The following COG7 variants were observed in gnomAD, a reference collection of about 807,000 sequenced individuals.
The protein encoded by COG7 is component of oligomeric golgi complex 7.
COG7 carries 49 observed loss-of-function variants against 91.5 expected under a neutral mutation model. That is an observed-to-expected ratio of 0.54 (90% CI 0.43 to 0.68). The LOEUF is 0.68. Among genes scored for constraint, COG7 ranks in the 30% least tolerant of loss-of-function variants. The pLI is 0.00. For missense variants in COG7, 895 were observed against 961.3 expected (o/e 0.93, Z 0.91); for synonymous variants, 365 against 388.7 (o/e 0.94, Z 0.72).
At chr16:23,423,302 G>C (rs1345136899) in intron 7 of COG7, among the ~76,000 whole-genome samples, 2 of 152,144 alleles carry the variant, frequency 1.3e-5, no homozygotes, top group Non-Finnish European at 2.9e-5. Context: ...AGGAGGTGGA[G>C]GTTACAGTGA....
At position 23,417,038 on chromosome 16, in the gene COG7, G is replaced by C; in HGVS notation, c.1221C>G (p.Asp407Glu). 2 of 1,614,242 alleles carry C rather than the reference G, an allele frequency of 1.2e-6. No homozygotes were observed. Among genetic ancestry groups the C allele is most frequent in the Non-Finnish European group, 8.5e-7 (1 of 1,180,034 alleles). Residue 407 changes from aspartate (D) to glutamate (E), a missense_variant, in exon 9 of 17, where the codon GAC becomes GAG. Asp to Glu is a conservative substitution (Grantham distance 45). Coordinates refer to ENST00000307149, the MANE Select transcript of COG7 (RefSeq NM_153603.4). The part of the protein sequence containing the change: ...KLFGLASAAV[D>E]RCVRFTNGLG... Reference sequence around the variant, plus strand: ...GGCCATTGGTGAATCTGACGCATCTGTCAACGGCTGCAGACGCCAGACCAA... The same window carrying C: ...GGCCATTGGTGAATCTGACGCATCTCTCAACGGCTGCAGACGCCAGACCAA...
intron 6 of COG7, among the ~76,000 whole-genome samples, chr16:23,432,510 TA>T (rs1963950560): frequency 6.6e-6 from 1 of 151,340 alleles, no homozygotes; most frequent in Non-Finnish European, 1.5e-5. Context: ...AGAAAAAAAA[TA>T]AATAAATAAG....
intron 13 of COG7, among the ~76,000 whole-genome samples, chr16:23,400,629 T>C (rs888496861): frequency 5.3e-5 from 8 of 151,754 alleles, no homozygotes; most frequent in African/African-American, 1.9e-4. Flanking sequence ...GGAAAGAAGT[T>C]TGGAAGAAGC....
At chr16:23,409,344 C>T (rs1047413010) in intron 11 of COG7, among the ~76,000 whole-genome samples, 4 of 152,086 alleles carry the variant, frequency 2.6e-5, no homozygotes, top group Admixed American at 6.6e-5. Context: ...TAAAGCAAGG[C>T]CGAGTTGAAA....
chr16:23,396,536 A>G lies in COG7; in HGVS notation c.1887+1510T>C, dbSNP rs145213795. On this transcript the variant is annotated intron_variant, in intron 14 of 16. Transcript: ENST00000307149. ...TCTACTAAAAATAGAAAAATTAGCC[A>G]GGTGTGGTGGTGGGCGCCTGTAATC... Among the ~76,000 whole-genome samples, 364 of 151,740 alleles carry G rather than the reference A, an allele frequency of 2.4e-3. 1 individual carries two copies. The highest frequency in any genetic ancestry group is 8.5e-3 in the African/African-American group (353 of 41,392).
intron 6 of COG7, among the ~76,000 whole-genome samples, chr16:23,431,661 T>C (rs1963936294): frequency 6.6e-6 from 1 of 151,498 alleles, no homozygotes; most frequent in South Asian, 2.1e-4. Context: ...ACACAAAAAT[T>C]AGCTGGGAGT....
At chr16:23,450,182 G>A (rs1357398124) in intron 1 of COG7, among the ~76,000 whole-genome samples, 2 of 152,014 alleles carry the variant, frequency 1.3e-5, no homozygotes, top group East Asian at 3.9e-4. Flanking sequence ...TGATTCTCTC[G>A]CCTCAGCCTT....
intron 13 of COG7, among the ~76,000 whole-genome samples, chr16:23,402,977 T>C (rs141606211): frequency 6.6e-6 from 1 of 152,350 alleles, no homozygotes; most frequent in African/African-American, 2.4e-5. Flanking sequence ...AAAGATCTCT[T>C]GGTTATTAAA....
At chr16:23,399,772 T>C (rs1963345071) in intron 13 of COG7, among the ~76,000 whole-genome samples, 1 of 151,970 alleles carries the variant, frequency 6.6e-6, no homozygotes, top group Non-Finnish European at 1.5e-5. Context: ...AGCCTTTACC[T>C]TGAACAAGTA....
At chr16:23,407,159 C>T (rs1165378582) in intron 11 of COG7, among the ~76,000 whole-genome samples, 4 of 152,184 alleles carry the variant, frequency 2.6e-5, no homozygotes, top group Admixed American at 2.6e-4. Flanking sequence ...TCAAGAAATG[C>T]CTGTACTTGC....
chr16:23,419,111 G>A (rs1288909611), intron 7 of COG7, among the ~76,000 whole-genome samples: 1 of 152,186 alleles, frequency 6.6e-6, no homozygotes, highest in African/African-American at 2.4e-5. Context: ...CCCTTCAAAA[G>A]ATAACCCTCA....
chr16:23,427,053 A>G (rs1490770194), intron 6 of COG7, among the ~76,000 whole-genome samples: 3 of 152,104 alleles, frequency 2.0e-5, no homozygotes, highest in African/African-American at 7.2e-5. Flanking sequence ...GTTTGAGACC[A>G]GCCTGGGCAA....
chr16:23,410,655 G>T (rs1347444692), intron 10 of COG7, among the ~76,000 whole-genome samples: 1 of 151,922 alleles, frequency 6.6e-6, no homozygotes, highest in Non-Finnish European at 1.5e-5. Context: ...ACTCAGCTTT[G>T]TCCTTGAGAA....
At chr16:23,437,605 T>C (rs1286686737) in intron 4 of COG7, among the ~76,000 whole-genome samples, 2 of 152,150 alleles carry the variant, frequency 1.3e-5, no homozygotes, top group Non-Finnish European at 2.9e-5. Context: ...GCGGAGAATA[T>C]AAACTTTCAA....
chr16:23,411,909 C>A (rs1963569405), intron 10 of COG7, among the ~76,000 whole-genome samples: 1 of 144,668 alleles, frequency 6.9e-6, no homozygotes, highest in Non-Finnish European at 1.5e-5. Context: ...GAGATGAGGT[C>A]TTGCTCTGTC....
chr16:23,413,250 G>C, intron 10 of COG7, 198 bp downstream of exon 10: 1 of 560,078 alleles, frequency 1.8e-6, no homozygotes, highest in South Asian at 2.0e-5. Flanking sequence ...TTAAGAGCTG[G>C]AGGGGTCTTT....
chr16:23,434,543 T>C (rs1021335094), intron 5 of COG7, 93 bp downstream of exon 5: 2 of 971,640 alleles, frequency 2.1e-6, no homozygotes, highest in Non-Finnish European at 1.6e-6. Context: ...GAGACAAATG[T>C]TCTTACCTTC....
At chr16:23,417,304 T>C (rs554806761) in intron 8 of COG7, 183 bp from the exon 9 acceptor site, 5 of 652,724 alleles carry the variant, frequency 7.7e-6, no homozygotes, top group East Asian at 2.7e-5. Context: ...AAGTCATCAG[T>C]GGGATCATGG....
intron 6 of COG7, among the ~76,000 whole-genome samples, chr16:23,425,382 A>G (rs1345713542): frequency 2.0e-5 from 3 of 152,174 alleles, no homozygotes; most frequent in African/African-American, 7.2e-5. Context: ...CCCAGGCTGA[A>G]GTGCAGTGGC....
Sources: gnomAD v4.1 joint callset for allele counts (sites outside exome capture counted in the v4.1 genomes callset) on GRCh38, gnomAD v4.1.1 for gene constraint, MANE v1.5 for transcripts, NCBI Gene and HGNC (gene_info 2026-07-23, HGNC 2026-07-21) for gene names.